BMP6: variants seen among roughly 807,000 people sequenced by gnomAD.
The protein encoded by BMP6 is VG-1-R.
A neutral mutation model predicts 54.1 loss-of-function variants in BMP6; 17 were observed. The ratio of observed to expected loss-of-function variants is 0.31; its 90% CI spans 0.22 to 0.47. BMP6 has a LOEUF of 0.47. Among genes scored for constraint, BMP6 ranks in the 20% least tolerant of loss-of-function variants. BMP6 has a pLI of 1.00. For missense variants in BMP6, 720 were observed against 690.4 expected (o/e 1.04, Z -0.48); for synonymous variants, 328 against 291.2 (o/e 1.13, Z -1.28).
chr6:7,856,947 GA>G (rs1311295488), intron 2 of BMP6, among the ~76,000 whole-genome samples: 34 of 152,172 alleles, frequency 2.2e-4, no homozygotes, highest in Non-Finnish European at 1.0e-4. Flanking sequence ...GTTGTACTTT[GA>G]CCCCGGCATT....
intron 4 of BMP6, 57 bp from the exon 5 acceptor site, chr6:7,879,017 T>G: frequency 6.5e-7 from 1 of 1,526,852 alleles, no homozygotes; most frequent in Middle Eastern, 1.7e-4. Context: ...TATGAAGGAA[T>G]TAATGAGTTG....
rs1166292047 is a variant in BMP6 at position 7,775,666 on chromosome 6, G to A, written c.664+48047G>A. 2.0e-5 allele frequency among the ~76,000 whole-genome samples: 3 copies of A among 152,192 alleles called. No homozygotes were observed. In the East Asian group the frequency reaches 5.8e-4, roughly 29 times the overall value. ...TGTCCCCAGTTGTAGAATGTGGTAAGGTCAGCTCTCTGATTCTGTTACCCT... is the reference window on the plus strand; with the variant it reads ...TGTCCCCAGTTGTAGAATGTGGTAAAGTCAGCTCTCTGATTCTGTTACCCT... On this transcript the variant is annotated intron_variant, in intron 1 of 6. Transcript: ENST00000283147.
intron 1 of BMP6, among the ~76,000 whole-genome samples, chr6:7,741,396 A>T (rs1757252432): frequency 6.6e-6 from 1 of 152,116 alleles, no homozygotes; most frequent in Admixed American, 6.6e-5. Flanking sequence ...CCTGGGCTCA[A>T]GTGATCCTCC....
At chr6:7,878,551 G>A (rs904328820) in intron 4 of BMP6, among the ~76,000 whole-genome samples, 1 of 152,200 alleles carries the variant, frequency 6.6e-6, no homozygotes, top group Non-Finnish European at 1.5e-5. Context: ...CCCCTGCGTG[G>A]TGTCTCCCTC....
chr6:7,842,081 C>T (rs1453652025), intron 1 of BMP6, among the ~76,000 whole-genome samples: 1 of 152,130 alleles, frequency 6.6e-6, no homozygotes, highest in Non-Finnish European at 1.5e-5. Flanking sequence ...CTTTTCTCTC[C>T]TCCCTCCTCT....
intron 3 of BMP6, 74 bp from the exon 4 acceptor site, chr6:7,862,227 A>G: frequency 6.6e-7 from 1 of 1,504,358 alleles, no homozygotes; most frequent in African/African-American, 1.4e-5. Flanking sequence ...ACTAGGAAGT[A>G]TCCCTTAACT....
rs781542945 is a variant in BMP6 at position 7,727,370 on chromosome 6, C to T, written c.415C>T (p.Leu139=). 2.9e-5 allele frequency: 46 copies of T among 1,608,786 alleles called. No homozygotes were observed. The highest frequency in any genetic ancestry group is 3.6e-5 in the Non-Finnish European group (43 of 1,178,152). The change falls in exon 1 of 7, where the codon CTG becomes TTG. Residue 139 remains leucine, a synonymous_variant. Coordinates refer to ENST00000283147, the MANE Select transcript of BMP6 (RefSeq NM_001718.6). ...GTCCGCGCCCCTCTTCATGCTGGAT[C>T]TGTACAACGCCCTGTCCGCCGACAA... is the stretch of plus-strand genomic sequence containing the variant. The part of the protein sequence containing the change: ...LKSAPLFMLD[L]YNALSADNDE...
At chr6:7,849,982 C>T (rs1022224200) in intron 2 of BMP6, among the ~76,000 whole-genome samples, 2 of 152,186 alleles carry the variant, frequency 1.3e-5, no homozygotes, top group African/African-American at 4.8e-5. Flanking sequence ...CCAGGTTACT[C>T]CTCTGTTTAG....
intron 1 of BMP6, among the ~76,000 whole-genome samples, chr6:7,772,973 G>C (rs1757812984): frequency 6.6e-6 from 1 of 152,146 alleles, no homozygotes; most frequent in Admixed American, 6.5e-5. Flanking sequence ...ATTAGGCGTT[G>C]ATTTTAAAAT....
intron 1 of BMP6, among the ~76,000 whole-genome samples, chr6:7,759,409 C>T (rs561192447): frequency 3.2e-4 from 49 of 152,242 alleles, no homozygotes; most frequent in African/African-American, 1.2e-3. Flanking sequence ...AGGTCCTCGG[C>T]CACCACTCAG....
In BMP6 at chr6:7,727,084, G is replaced by C. The variant is rs1292004693; in HGVS notation, c.129G>C (p.Leu43=). 6.1e-6 allele frequency: 8 copies of C among 1,310,418 alleles called. No individual in the cohort carries two copies. The Admixed American group carries it at 1.2e-4, about 19-fold the overall frequency. 81.2% of individuals were successfully genotyped at this position (1,310,418 alleles called of 1,614,324 possible). A position where few individuals can be genotyped will look rare whatever the true frequency, so the allele number is the denominator to read the frequency against. Residue 43 remains leucine, a synonymous_variant, in exon 1 of 7, where the codon CTG becomes CTC. Transcript: ENST00000283147. ...AAAAAAAGGQ[L]LGDGGSPGRT... ...CGGCCGCCGCCGCCGGGGGGCAGCT[G>C]CTGGGGGACGGCGGGAGCCCCGGCC...
At chr6:7,824,791 C>G (rs62387049) in intron 1 of BMP6, among the ~76,000 whole-genome samples, 1,546 of 152,308 alleles carry the variant, frequency 0.01, 15 homozygotes, top group Non-Finnish European at 0.018. Flanking sequence ...ACATTCAATT[C>G]TCTTCCCTAT....
At chr6:7,837,676 A>C (rs1005358086) in intron 1 of BMP6, among the ~76,000 whole-genome samples, 2 of 152,182 alleles carry the variant, frequency 1.3e-5, no homozygotes, top group Admixed American at 1.3e-4. Context: ...AAAAGACCAC[A>C]TATTGGGTTC....
chr6:7,742,706 C>T (rs1757286353), intron 1 of BMP6, among the ~76,000 whole-genome samples: 1 of 152,144 alleles, frequency 6.6e-6, no homozygotes, highest in East Asian at 1.9e-4. Context: ...GAATTAAACC[C>T]TGAGTGGCCA....
Position 7,869,672 on chromosome 6 carries a change from C to T in BMP6, c.1204+7174C>T, listed in dbSNP as rs560500827. Among the ~76,000 whole-genome samples, 14 of 152,290 alleles carry T rather than the reference C, an allele frequency of 9.2e-5. No individual in the cohort carries two copies. The East Asian group carries it at 2.5e-3, about 27-fold the overall frequency. ...CCGGCAGCCTTCCCATTTGTTTTCT[C>T]CTGTAGATGGAATGTCTCCTCAGTC... On this transcript the variant is annotated intron_variant, in intron 4 of 6. Coordinates refer to ENST00000283147, the MANE Select transcript of BMP6 (RefSeq NM_001718.6).
Position 7,861,471 on chromosome 6 carries a change from T to G in BMP6, c.878T>G (p.Leu293Trp). 1 of 1,614,142 alleles carries G rather than the reference T, an allele frequency of 6.2e-7. No homozygotes were observed. Among genetic ancestry groups the G allele is most frequent in the East Asian group, 2.2e-5 (1 of 44,890 alleles). The change falls in exon 3 of 7, where the codon TTG becomes TGG. Residue 293 changes from leucine to tryptophan, a missense_variant. Transcript: ENST00000283147. Reference sequence around the variant, plus strand: ...TTCAGAGACTCTGACCTGTTTTTGTTGGACACCCGTGTAGTATGGGCCTCA... The same window carrying G: ...TTCAGAGACTCTGACCTGTTTTTGTGGGACACCCGTGTAGTATGGGCCTCA... ...HQHRDSDLFL[L>W]DTRVVWASEE... is the part of the protein sequence containing the mutation.
At chr6:7,769,434 G>C (rs1174752014) in intron 1 of BMP6, among the ~76,000 whole-genome samples, 1 of 152,252 alleles carries the variant, frequency 6.6e-6, no homozygotes, top group Non-Finnish European at 1.5e-5. Flanking sequence ...GCATGCAGCA[G>C]AGTTTGCTAT....
chr6:7,804,345 C>T (rs1418260024), intron 1 of BMP6, among the ~76,000 whole-genome samples: 1 of 151,992 alleles, frequency 6.6e-6, no homozygotes, highest in Non-Finnish European at 1.5e-5. Context: ...CTCCTCTTCT[C>T]ATTAGCCATC....
rs370312610 is a variant in BMP6 at position 7,727,307 on chromosome 6, C to A, written c.352C>A (p.Gln118Lys). 1 of 1,608,092 alleles carries A rather than the reference C, an allele frequency of 6.2e-7. No individual in the cohort carries two copies. Among genetic ancestry groups the A allele is most frequent in the African/African-American group, 1.3e-5 (1 of 74,734 alleles). Reference sequence around the variant, plus strand: ...GCAGGAGGAGCAGCAGCAGCAGCAGCAGCTGCCTCGCGGAGAGCCCCCTCC... The same window carrying A: ...GCAGGAGGAGCAGCAGCAGCAGCAGAAGCTGCCTCGCGGAGAGCCCCCTCC... ...RQQEEQQQQQ[Q>K]LPRGEPPPGR... Residue 118 changes from glutamine to lysine, a missense_variant, in exon 1 of 7, where the codon CAG (glutamine) becomes AAG (lysine). This residue lies in a region of BMP6 where 650 missense variants were observed against 556.3 expected (regional missense o/e 1.17). Transcript: ENST00000283147.
Sources: gnomAD v4.1 joint callset for allele counts (sites outside exome capture counted in the v4.1 genomes callset) on GRCh38, gnomAD v4.1.1 for gene constraint, gnomAD v4.1.1 regional missense constraint, MANE v1.5 for transcripts, NCBI Gene and HGNC (gene_info 2026-07-23, HGNC 2026-07-21) for gene names.